The following RPS6KA5 variants were observed in gnomAD, a reference collection of about 807,000 sequenced individuals.
The protein encoded by RPS6KA5 is ribosomal protein S6 kinase alpha-5.
RPS6KA5 carries 27 observed loss-of-function variants against 85.5 expected under a neutral mutation model. That is an observed-to-expected ratio of 0.32 (90% CI 0.23 to 0.44). The LOEUF (loss-of-function observed/expected upper bound fraction) is 0.44. RPS6KA5 is among the 20% of genes least tolerant of loss of function. The pLI, the probability that RPS6KA5 is intolerant of heterozygous loss-of-function variation, is 1.00. For synonymous variants in RPS6KA5, 334 were observed against 348.2 expected (o/e 0.96, Z 0.46); for missense variants, 811 against 980.9 (o/e 0.83, Z 2.31).
At chr14:90,985,041 A>G (rs2040000443) in intron 2 of RPS6KA5, among the ~76,000 whole-genome samples, 1 of 152,094 alleles carries the variant, frequency 6.6e-6, no homozygotes, top group Non-Finnish European at 1.5e-5. Context: ...TCTGGGTTCA[A>G]GCAATTCTCC....
intron 1 of RPS6KA5, among the ~76,000 whole-genome samples, chr14:91,024,901 A>G (rs1490226305): frequency 3.3e-5 from 5 of 151,628 alleles, no homozygotes; most frequent in African/African-American, 1.2e-4. Flanking sequence ...ATTTTTTTTG[A>G]GACCAAGTCT....
chr14:90,966,668 A>G (rs932733631), intron 3 of RPS6KA5, among the ~76,000 whole-genome samples: 6 of 152,230 alleles, frequency 3.9e-5, no homozygotes, highest in Non-Finnish European at 7.3e-5. Context: ...GAGGCAGACT[A>G]AAGTCCAAGG....
chr14:90,876,335 T>C (rs1346029194), intron 14 of RPS6KA5, among the ~76,000 whole-genome samples: 1 of 152,208 alleles, frequency 6.6e-6, no homozygotes, highest in Non-Finnish European at 1.5e-5. Flanking sequence ...CTTGAAAAAC[T>C]TCATATAGGC....
chr14:90,872,714 C>T (rs1328054160), intron 16 of RPS6KA5, among the ~76,000 whole-genome samples: 2 of 152,196 alleles, frequency 1.3e-5, no homozygotes, highest in Admixed American at 1.3e-4. Flanking sequence ...AGTCCCAATG[C>T]AAGCAGACTT....
intron 2 of RPS6KA5, among the ~76,000 whole-genome samples, chr14:90,993,243 C>A (rs568277825): frequency 6.6e-6 from 1 of 152,138 alleles, no homozygotes; most frequent in African/African-American, 2.4e-5. Context: ...AGTTCGAGAT[C>A]GGCCTGGCTA....
Position 90,872,328 on chromosome 14 carries a change from G to A in RPS6KA5, c.2161-6C>T, listed in dbSNP as rs776433541. On this transcript the variant is annotated splice_region_variant and splice_polypyrimidine_tract_variant and intron_variant, in intron 16 of 16. Coordinates refer to ENST00000614987, the MANE Select transcript of RPS6KA5 (RefSeq NM_004755.4). The stretch of plus-strand genomic sequence containing the variant: ...CTCTTGTATTTGTTAAAGGCCTGGC[G>A]GGGGAAAAAAAGGGAACCCCTGTGA... 9.4e-6 allele frequency: 15 copies of A among 1,594,248 alleles called. No homozygotes were observed. The highest frequency in any genetic ancestry group is 1.7e-4 in the Middle Eastern group (1 of 5,902).
intron 5 of RPS6KA5, among the ~76,000 whole-genome samples, chr14:90,926,390 C>CA (rs749386215): frequency 0.082 from 6,122 of 74,450 alleles, 319 homozygotes; most frequent in South Asian, 0.22. Flanking sequence ...GACTCTGTCT[C>CA]AAAAAAAAAA....
chr14:90,916,726 C>A (rs1056742388), intron 7 of RPS6KA5, among the ~76,000 whole-genome samples: 3 of 151,990 alleles, frequency 2.0e-5, no homozygotes, highest in Admixed American at 2.0e-4. Flanking sequence ...CAGGTTGACA[C>A]CATGACAAAG....
At chr14:91,053,693 G>A (rs1344379622) in intron 1 of RPS6KA5, among the ~76,000 whole-genome samples, 1 of 152,174 alleles carries the variant, frequency 6.6e-6, no homozygotes, top group East Asian at 1.9e-4. Context: ...GAAAGTAATT[G>A]AAGACAACCT....
At chr14:91,057,255 T>C (rs909551657) in intron 1 of RPS6KA5, among the ~76,000 whole-genome samples, 3 of 152,164 alleles carry the variant, frequency 2.0e-5, no homozygotes, top group Non-Finnish European at 4.4e-5. Context: ...TGTTCAATCC[T>C]ATACTCTGCA....
chr14:90,959,685 G>C (rs1030143513), intron 3 of RPS6KA5, among the ~76,000 whole-genome samples: 1 of 152,184 alleles, frequency 6.6e-6, no homozygotes, highest in African/African-American at 2.4e-5. Flanking sequence ...GCCAGTTGTA[G>C]AGCATTAAGA....
chr14:90,925,221 C>A (rs1183971854), intron 5 of RPS6KA5, among the ~76,000 whole-genome samples: 5 of 152,106 alleles, frequency 3.3e-5, no homozygotes, highest in Admixed American at 6.5e-5. Flanking sequence ...TGTTACAGGT[C>A]TCAGCAATCC....
At chr14:91,033,031 A>G (rs112837747) in intron 1 of RPS6KA5, among the ~76,000 whole-genome samples, 2,290 of 151,924 alleles carry the variant, frequency 0.015, 53 homozygotes, top group African/African-American at 0.053. Flanking sequence ...TAAAAATACA[A>G]AAACAATTAG....
chr14:90,871,171 A>G lies in RPS6KA5; in HGVS notation c.*903T>C, dbSNP rs1250387221. The G allele has an allele frequency of 6.6e-6, 1 of 152,562 alleles. No homozygotes were observed. The highest frequency in any genetic ancestry group is 1.5e-5 in the Non-Finnish European group (1 of 68,018). 9.5% of individuals were successfully genotyped at this position (152,562 alleles called of 1,614,324 possible). A position where few individuals can be genotyped will look rare whatever the true frequency, so the allele number is the denominator to read the frequency against. ...TAAGTGGCTGACTACATGACACAAC[A>G]TGCCCCATTCTACTTGTTGCATACA... On this transcript the variant is annotated 3_prime_UTR_variant, in exon 17 of 17. Transcript: ENST00000614987.
Position 90,872,083 on chromosome 14 carries a change from T to C in RPS6KA5, c.2400A>G (p.Ser800=), listed in dbSNP as rs747193614. 41 of 1,612,362 alleles carry C rather than the reference T, an allele frequency of 2.5e-5. No homozygotes were observed. The highest frequency in any genetic ancestry group is 6.6e-5 in the South Asian group (6 of 90,982). ...TACACTCCTACCATGCCTAAGCTAC[T>C]GAGTCCGAGAACTGGAAGAGGGTCT... The part of the protein sequence containing the change: ...NPETLFQFSD[S]VA Residue 800 remains serine, a synonymous_variant, in exon 17 of 17, where the codon TCA becomes TCG. Coordinates refer to ENST00000614987, the MANE Select transcript of RPS6KA5 (RefSeq NM_004755.4).
chr14:91,024,385 G>GT (rs1300438600), intron 1 of RPS6KA5, among the ~76,000 whole-genome samples: 10 of 151,406 alleles, frequency 6.6e-5, no homozygotes, highest in East Asian at 5.8e-4. Flanking sequence ...TTATATTCCT[G>GT]TTTTTTTTCT....
Position 90,978,521 on chromosome 14 carries a change from T to G in RPS6KA5, c.179A>C (p.Tyr60Ser). The change falls in exon 3 of 17, where the codon TAT becomes TCT. Residue 60 changes from tyrosine (Y) to serine (S), a missense_variant. Around this residue, in one of 3 missense-constraint regions of RPS6KA5, gnomAD observed 113 missense variants for 100.0 expected, o/e 1.13. Coordinates refer to ENST00000614987, the MANE Select transcript of RPS6KA5 (RefSeq NM_004755.4). ...TTTACGAACTAGAAATACTTTTCCA[T>G]AAGCTGAAAATGAAAAGAAAAAATA... ...ELLKVLGTGA[Y>S]GKVFLVRKIS... 6.3e-7 allele frequency: 1 copy of G among 1,577,324 alleles called. No individual in the cohort carries two copies. Among genetic ancestry groups the G allele is most frequent in the Non-Finnish European group, 8.6e-7 (1 of 1,161,564 alleles).
At position 90,894,445 on chromosome 14, in the gene RPS6KA5, C is replaced by T; in HGVS notation, c.1612G>A (p.Val538Ile). Reference protein sequence around the residue: ...LVSAVSHMHDVGVVHRDLKPE... With the variant: ...LVSAVSHMHDIGVVHRDLKPE... ...TTCAGATCCCTGTGCACCACTCCAA[C>T]ATCATGCATGTGGCTTACAGCTGAA... The change falls in exon 13 of 17, where the codon GTT becomes ATT. Residue 538 changes from valine to isoleucine, a missense_variant. Val to Ile is a conservative substitution (Grantham distance 29). Around this residue, in one of 3 missense-constraint regions of RPS6KA5, gnomAD observed 650 missense variants for 793.4 expected, o/e 0.82. Transcript: ENST00000614987. 6.2e-7 allele frequency: 1 copy of T among 1,614,164 alleles called. No homozygotes were observed. The highest frequency in any genetic ancestry group is 8.5e-7 in the Non-Finnish European group (1 of 1,180,006).
intron 2 of RPS6KA5, among the ~76,000 whole-genome samples, chr14:90,992,598 T>G (rs528396817): frequency 6.6e-6 from 1 of 152,290 alleles, no homozygotes; most frequent in South Asian, 2.1e-4. Context: ...TCCTAGTGTG[T>G]TTTTTGGAAT....
Sources: gnomAD v4.1 joint callset for allele counts (sites outside exome capture counted in the v4.1 genomes callset) on GRCh38, gnomAD v4.1.1 for gene constraint, gnomAD v4.1.1 regional missense constraint, MANE v1.5 for transcripts, NCBI Gene and HGNC (gene_info 2026-07-23, HGNC 2026-07-21) for gene names.